Variants in EIF4E2 observed in about 807,000 individuals in gnomAD.
The protein encoded by EIF4E2 is eukaryotic translation initiation factor 4E family member 2.
EIF4E2 carries 13 observed loss-of-function variants against 34.2 expected under a neutral mutation model. That is an observed-to-expected ratio of 0.38 (90% confidence interval 0.25 to 0.60). The LOEUF is 0.60. EIF4E2 is among the 20% of genes least tolerant of loss of function. The pLI is 0.62. For synonymous variants in EIF4E2, 100 were observed against 106.6 expected (o/e 0.94, Z 0.38); for missense variants, 222 against 315.1 (o/e 0.70, Z 2.24).
chr2:232,574,895 A>G lies in EIF4E2; in HGVS notation c.666-6009A>G, dbSNP rs566019552. ...ACTTTCACTAGACCAGCACAACTGT[A>G]CTAGTAGGGAGAGGCACTGAGGTAC... is the stretch of plus-strand genomic sequence containing the variant. On this transcript the variant is annotated intron_variant, in intron 6 of 6. Transcript: ENST00000409098. 9.2e-5 allele frequency among the ~76,000 whole-genome samples: 14 copies of G among 152,358 alleles called. No individual in the cohort carries two copies. The South Asian group carries it at 2.9e-3, about 32-fold the overall frequency.
chr2:232,566,260 C>A lies in EIF4E2; in HGVS notation c.376-569C>A, dbSNP rs934056359. Among the ~76,000 whole-genome samples, 1 of 152,136 alleles carries A rather than the reference C, an allele frequency of 6.6e-6. No individual in the cohort carries two copies. The highest frequency in any genetic ancestry group is 2.4e-5 in the African/African-American group (1 of 41,402). On this transcript the variant is annotated intron_variant, in intron 4 of 6. Transcript: ENST00000258416. The surrounding 1 kb of genome is among the most constrained non-coding windows in gnomAD (Gnocchi z 4.9). ...GGAGTGCAGTGGCACGATCTCGGCT[C>A]CCTGCAAGCTCTGCCTCCCGAGTTC...
Position 232,581,015 on chromosome 2 carries a change from C to T in EIF4E2, c.*72C>T. The T allele has an allele frequency of 6.9e-7, 1 of 1,441,662 alleles. No individual in the cohort carries two copies. The highest frequency in any genetic ancestry group is 9.5e-7 in the Non-Finnish European group (1 of 1,047,732). The allele number at this position is 1,441,662 out of a possible 1,614,324, so 89.3% of individuals were successfully genotyped here. On this transcript the variant is annotated 3_prime_UTR_variant, in exon 7 of 7. Coordinates refer to the EIF4E2 transcript ENST00000409098. The surrounding 1 kb of genome is among the most constrained non-coding windows in gnomAD (Gnocchi z 5.2). ...CCGAAATGGATGGGAGGCCTCCAGC[C>T]AGTCCTTCCATTGCTCACTGAAGGG...
At position 232,568,365 on chromosome 2, in the gene EIF4E2, G is replaced by C. The variant is rs1693007059; in HGVS notation, c.666-580G>C. 3 of 985,288 alleles carry C rather than the reference G, an allele frequency of 3.0e-6. No individual in the cohort carries two copies. In the African/African-American group the frequency reaches 5.2e-5, roughly 17 times the overall value. The allele number at this position is 985,288 out of a possible 1,614,324, so 61.0% of individuals were successfully genotyped here. ...TGGTCCATGATCAAACGGCTGGCATGACTCATCATAGTCACGAACAGTTAT... is the reference window on the plus strand; with the variant it reads ...TGGTCCATGATCAAACGGCTGGCATCACTCATCATAGTCACGAACAGTTAT... On this transcript the variant is annotated intron_variant, in intron 6 of 6. Transcript: ENST00000258416.
intron 2 of EIF4E2, among the ~76,000 whole-genome samples, chr2:232,556,749 A>G (rs138715729): frequency 1.6e-3 from 244 of 152,302 alleles, no homozygotes; most frequent in African/African-American, 5.2e-3. Context: ...CTTGCTTTCA[A>G]CGTTCTCCTA....
chr2:232,569,231 C>G, downstream of EIF4E2: 1 of 1,394,576 alleles, frequency 7.2e-7, no homozygotes, highest in South Asian at 1.7e-5. Context: ...TGCTCTTGCT[C>G]TTTATGGTGC....
intron 6 of EIF4E2, chr2:232,567,838 C>G (rs1692988333): frequency 2.0e-6 from 2 of 985,366 alleles, no homozygotes; most frequent in South Asian, 4.7e-5. Context: ...AGGCTTGCTC[C>G]TCAGTGATTG....
chr2:232,567,175 A>C lies in EIF4E2; in HGVS notation c.626A>C (p.Asn209Thr). 1 of 1,614,204 alleles carries C rather than the reference A, an allele frequency of 6.2e-7. No individual in the cohort carries two copies. The highest frequency in any genetic ancestry group is 8.5e-7 in the Non-Finnish European group (1 of 1,180,036). Residue 209 changes from asparagine (N) to threonine (T), a missense_variant, in exon 6 of 7, where the codon AAC (asparagine) becomes ACC (threonine). Asn to Thr is a moderately conservative substitution (Grantham distance 65). This residue lies in a region of EIF4E2 where 105 missense variants were observed against 195.1 expected (regional missense o/e 0.54). Transcript: ENST00000258416. Reference protein sequence around the residue: ...TLRRVLNLPPNTIMEYKTHTD... With the variant: ...TLRRVLNLPPTTIMEYKTHTD... ...CGGCGAGTGCTTAACCTACCTCCCA[A>C]CACCATTATGGAATACAAAACTCAC... is the stretch of plus-strand genomic sequence containing the variant.
At position 232,558,003 on chromosome 2, in the gene EIF4E2, T is replaced by C. The variant is rs1471501347; in HGVS notation, c.255T>C (p.Ile85=). ...SQSYEQNIKQ[I]GTFASVEQFW... is the part of the protein sequence containing the mutation. ...GCTATGAACAGAATATCAAACAGAT[T>C]GGCACCTTTGCCTCTGTGAGTTCTT... The change falls in exon 3 of 7, where the codon ATT becomes ATC. Residue 85 remains isoleucine (I), a synonymous_variant. Transcript: ENST00000258416. 1 of 1,614,138 alleles carries C rather than the reference T, an allele frequency of 6.2e-7. No homozygotes were observed. Among genetic ancestry groups the C allele is most frequent in the Admixed American group, 1.7e-5 (1 of 60,012 alleles).
chr2:232,558,651 C>T (rs1692608742), intron 3 of EIF4E2: 1 of 150,564 alleles, frequency 6.6e-6, no homozygotes. Context: ...TTATGGAGTC[C>T]TTACTAAGTT....
intron 2 of EIF4E2, chr2:232,557,678 CAGGT>C: frequency 3.3e-6 from 2 of 604,698 alleles, no homozygotes; most frequent in Non-Finnish European, 5.8e-6. Flanking sequence ...CATAAGAACA[CAGGT>C]AAAGTGTTTC....
chr2:232,570,005 C>T (rs1693054182), downstream of EIF4E2, among the ~76,000 whole-genome samples: 1 of 152,186 alleles, frequency 6.6e-6, no homozygotes, highest in African/African-American at 2.4e-5. Flanking sequence ...CCTCATGCTA[C>T]TTTAGGTTTT....
downstream of EIF4E2, among the ~76,000 whole-genome samples, chr2:232,572,215 ATAGC>A (rs953814507): frequency 1.3e-5 from 2 of 152,248 alleles, no homozygotes; most frequent in Admixed American, 1.3e-4. Context: ...CAGATGGAAA[ATAGC>A]TAGACTATTC....
Position 232,569,083 on chromosome 2 carries a change from C to T in EIF4E2, c.*66C>T, listed in dbSNP as rs1693029753. ...TCATCGGAGTCTCTTGTTCTGTTGG[C>T]GTGCTACCTGGAAGATCCTTCTGTC... On this transcript the variant is annotated 3_prime_UTR_variant, in exon 7 of 7. Transcript: ENST00000258416. 5 of 1,588,776 alleles carry T rather than the reference C, an allele frequency of 3.1e-6. No individual in the cohort carries two copies. Among genetic ancestry groups the T allele is most frequent in the Admixed American group, 1.8e-5 (1 of 55,540 alleles).
chr2:232,560,455 A>G (rs1360761541), intron 3 of EIF4E2, among the ~76,000 whole-genome samples: 3 of 152,246 alleles, frequency 2.0e-5, no homozygotes, highest in Non-Finnish European at 2.9e-5. Context: ...CTTCTTAAGT[A>G]ACACACTAAA....
rs199688502 is a variant in EIF4E2 at position 232,555,983 on chromosome 2, CCTAAA to C, written c.21-427_21-423del. Among the ~76,000 whole-genome samples the C allele has an allele frequency of 8.0e-4, 122 of 152,212 alleles. No individual in the cohort carries two copies. The East Asian group carries it at 0.017, about 21-fold the overall frequency. On this transcript the variant is annotated intron_variant, in intron 1 of 6. Coordinates refer to ENST00000258416, the MANE Select transcript of EIF4E2 (RefSeq NM_004846.4). ...TGATTGACGTGTCAGGAGAAGAGGG[CCTAAA>C]CTAAAGTAGTGACAGTGAGTGTAGA... is the stretch of plus-strand genomic sequence containing the variant.
chr2:232,556,596 G>A (rs962653205), intron 2 of EIF4E2, 66 bp downstream of exon 2: 3 of 1,195,752 alleles, frequency 2.5e-6, no homozygotes, highest in Non-Finnish European at 3.7e-6. Context: ...TGTGGAATCT[G>A]TTTATCTGGA....
chr2:232,560,345 T>C (rs1049332336), intron 3 of EIF4E2, among the ~76,000 whole-genome samples: 1 of 152,188 alleles, frequency 6.6e-6, no homozygotes, highest in Non-Finnish European at 1.5e-5. Flanking sequence ...ACACAAAAAG[T>C]AACTAAAAAT....
downstream of EIF4E2, among the ~76,000 whole-genome samples, chr2:232,572,323 T>C (rs1693109615): frequency 6.6e-6 from 1 of 152,206 alleles, no homozygotes; most frequent in South Asian, 2.1e-4. Flanking sequence ...CCCACTATTT[T>C]ATTTCCACTG....
intron 2 of EIF4E2, 47 bp downstream of exon 2, chr2:232,556,577 T>TA (rs781649020): frequency 6.0e-4 from 799 of 1,325,896 alleles, no homozygotes; most frequent in Non-Finnish European, 7.8e-4. Flanking sequence ...CTTGAGACTT[T>TA]TATTATCTTG....
Sources: allele counts gnomAD v4.1 joint callset (sites outside exome capture counted in the v4.1 genomes callset), GRCh38; gene constraint gnomAD v4.1.1; regional missense constraint gnomAD v4.1.1; non-coding constraint Gnocchi (gnomAD v3.1); transcripts MANE v1.5; gene names NCBI Gene and HGNC (gene_info 2026-07-23, HGNC 2026-07-21).